The following KNDC1 variants were observed in gnomAD, a reference collection of about 807,000 sequenced individuals.
The protein encoded by KNDC1 is kinase non-catalytic C-lobe domain-containing protein 1.
Under a neutral mutation model 172.8 loss-of-function variants are expected in KNDC1, and 106 were observed. The observed-to-expected ratio is 0.61, with a 90% CI of 0.52 to 0.72. KNDC1 has a LOEUF of 0.72. Among genes scored for constraint, KNDC1 ranks in the 30% least tolerant of loss-of-function variants. The probability of loss-of-function intolerance (pLI) is 0.00; values close to 1 mark genes in which losing one functional copy is unlikely to be tolerated. For synonymous variants in KNDC1, 1,083 were observed against 1,062.2 expected, an observed-to-expected ratio of 1.02 and a Z score of -0.38; for missense variants, 2,325 against 2,394.5, an observed-to-expected ratio of 0.97 and a Z score of 0.61.
intron 8 of KNDC1, 37 bp downstream of exon 8, chr10:133,189,706 C>G (rs1186057348): frequency 6.2e-7 from 1 of 1,613,818 alleles, no homozygotes; most frequent in Admixed American, 1.7e-5. Context: ...GAGTCCAGCA[C>G]CGGCTCGCCA....
intron 3 of KNDC1, among the ~76,000 whole-genome samples, chr10:133,171,105 A>C (rs905337924): frequency 1.3e-5 from 2 of 152,214 alleles, no homozygotes; most frequent in African/African-American, 4.8e-5. Context: ...GCCGATAGTC[A>C]CTGATATTTT....
intron 17 of KNDC1, chr10:133,202,839 G>T: frequency 2.9e-6 from 1 of 347,332 alleles, no homozygotes; most frequent in Non-Finnish European, 5.7e-6. Flanking sequence ...CTCTGCACCT[G>T]CATCTCGGAC....
rs755519449 is a variant in KNDC1 at position 133,199,264 on chromosome 10, T to C, written c.2756T>C (p.Met919Thr). The C allele has an allele frequency of 3.2e-6, 5 of 1,551,744 alleles. No individual in the cohort carries two copies. Among genetic ancestry groups the C allele is most frequent in the Non-Finnish European group, 2.6e-6 (3 of 1,146,354 alleles). ...GACAATGGGCTGGAGGCTCTGATCA[T>C]GGGTACGTGGGGGCCGCAGACGCCC... Reference protein sequence around the residue: ...YLDNGLEALIMGEYIFALKDL... With the variant: ...YLDNGLEALITGEYIFALKDL... The change falls in exon 14 of 30, where the codon ATG (methionine) becomes ACG (threonine). Residue 919 changes from methionine (M) to threonine (T), a missense_variant and splice_region_variant. Physicochemically the swap from Met to Thr is moderately conservative, Grantham distance 81. Coordinates refer to ENST00000304613, the MANE Select transcript of KNDC1 (RefSeq NM_152643.8).
intron 17 of KNDC1, among the ~76,000 whole-genome samples, chr10:133,204,102 G>A (rs918346463): frequency 6.6e-6 from 1 of 152,142 alleles, no homozygotes; most frequent in Non-Finnish European, 1.5e-5. Flanking sequence ...TCCGGGGGCC[G>A]GACGAGGGCC....
chr10:133,167,283 C>T (rs969951771), intron 1 of KNDC1, 98 bp from the exon 2 acceptor site: 1 of 1,207,698 alleles, frequency 8.3e-7, no homozygotes, highest in Non-Finnish European at 1.1e-6. Context: ...TGAAACGCTG[C>T]CACGAGTCGT....
In KNDC1 at chr10:133,163,044, C is replaced by T. The variant is rs1296594404; in HGVS notation, c.102+2475C>T. Among the ~76,000 whole-genome samples the T allele has an allele frequency of 6.8e-6, 1 of 146,774 alleles. No homozygotes were observed. Among genetic ancestry groups the T allele is most frequent in the African/African-American group, 2.5e-5 (1 of 39,514 alleles). On this transcript the variant is annotated intron_variant, in intron 1 of 29. Coordinates refer to ENST00000304613, the MANE Select transcript of KNDC1 (RefSeq NM_152643.8). This position sits in a 1 kb window ranked among gnomAD's most constrained non-coding sequence, Gnocchi z 4.4. ...TGCAAGGAGGGCTTCCTGGAGGTGT[C>T]CTGCCCGGGATTCCCATGAGATTTC...
At position 133,191,369 on chromosome 10, in the gene KNDC1, C is replaced by G. The variant is rs527877968; in HGVS notation, c.1575+1556C>G. ...CCAAGATCATGCTACTACACTCCAG[C>G]CTGGATGACAGAGCCAGACCCTGTC... On this transcript the variant is annotated intron_variant, in intron 9 of 29. Transcript: ENST00000304613. Among the ~76,000 whole-genome samples the G allele has an allele frequency of 6.6e-5, 10 of 151,734 alleles. No homozygotes were observed. The East Asian group carries it at 1.6e-3, about 24-fold the overall frequency.
intron 20 of KNDC1, 44 bp from the exon 21 acceptor site, chr10:133,210,567 T>A: frequency 5.0e-6 from 6 of 1,189,698 alleles, no homozygotes; most frequent in Non-Finnish European, 7.5e-6. Context: ...AGCCCTGGGG[T>A]GCGGCCACCC....
intron 29 of KNDC1, among the ~76,000 whole-genome samples, chr10:133,221,932 G>A (rs1845599517): frequency 1.4e-5 from 1 of 72,850 alleles, no homozygotes; most frequent in Admixed American, 1.5e-4. Context: ...GCTGGGTGCA[G>A]CCACTCACGC....
intron 21 of KNDC1, 148 bp downstream of exon 21, chr10:133,210,872 G>C: frequency 1.4e-6 from 1 of 717,478 alleles, no homozygotes; most frequent in Non-Finnish European, 2.5e-6. Flanking sequence ...CTGGAGGTCC[G>C]GCTGGAGGTG....
chr10:133,190,409 T>C (rs1854047167), intron 9 of KNDC1, among the ~76,000 whole-genome samples: 1 of 151,918 alleles, frequency 6.6e-6, no homozygotes. Context: ...CACCCTGCAC[T>C]AAGCACCCTG....
intron 25 of KNDC1, 95 bp from the exon 26 acceptor site, chr10:133,213,877 G>A: frequency 6.5e-7 from 1 of 1,540,824 alleles, no homozygotes. Context: ...CGGCCTCGTG[G>A]CCCGACCCCA....
chr10:133,186,047 CAGCACTG>C lies in KNDC1; in HGVS notation c.701_707del (p.Ser234ThrfsTer32). The C allele has an allele frequency of 6.3e-7, 1 of 1,599,946 alleles. No homozygotes were observed. Among genetic ancestry groups the C allele is most frequent in the Non-Finnish European group, 8.5e-7 (1 of 1,174,826 alleles). On this transcript the variant is annotated frameshift_variant, in exon 6 of 30. Coordinates refer to ENST00000304613, the MANE Select transcript of KNDC1 (RefSeq NM_152643.8). LOFTEE classifies it high-confidence loss of function. ...GGCCCAGGAGGCCGCCCGGGGACCC[CAGCACTG>C]ACCCGGAGGTTCTGCCGACCCCCGA...
intron 5 of KNDC1, among the ~76,000 whole-genome samples, chr10:133,185,319 TACA>T (rs1853860603): frequency 6.7e-6 from 1 of 150,224 alleles, no homozygotes; most frequent in African/African-American, 2.5e-5. Flanking sequence ...AGGCAGTGTG[TACA>T]GTGTGGAGTA....
chr10:133,203,498 C>T (rs967676715), intron 17 of KNDC1, among the ~76,000 whole-genome samples: 4 of 152,390 alleles, frequency 2.6e-5, no homozygotes, highest in South Asian at 2.1e-4. Context: ...AAAACGCACA[C>T]GGTGCAGCGA....
chr10:133,172,435 C>CT (rs1853404461), intron 3 of KNDC1, among the ~76,000 whole-genome samples: 1 of 152,260 alleles, frequency 6.6e-6, no homozygotes, highest in African/African-American at 2.4e-5. Flanking sequence ...AGTGTCTTGC[C>CT]TTTTGTATAC....
In KNDC1 at chr10:133,210,699, G is replaced by A. The variant is rs113356329; in HGVS notation, c.3883G>A (p.Asp1295Asn). Residue 1295 changes from aspartate (D) to asparagine (N), a missense_variant, in exon 21 of 30, where the codon GAC becomes AAC. Asp to Asn is a conservative substitution (Grantham distance 23). Coordinates refer to ENST00000304613, the MANE Select transcript of KNDC1 (RefSeq NM_152643.8). ...TPHDFLHFLL[D>N]RINSTLTRAH... ...CCACGACTTCCTGCACTTCCTCCTCGACCGCATCAACAGCACGCTGACCAG... is the reference window on the plus strand; with the variant it reads ...CCACGACTTCCTGCACTTCCTCCTCAACCGCATCAACAGCACGCTGACCAG... 71 of 1,613,708 alleles carry A rather than the reference G, an allele frequency of 4.4e-5. No homozygotes were observed. Among genetic ancestry groups the A allele is most frequent in the Non-Finnish European group, 5.6e-5 (66 of 1,179,736 alleles).
At chr10:133,197,418 G>C (rs1854224852) in intron 11 of KNDC1, among the ~76,000 whole-genome samples, 1 of 152,330 alleles carries the variant, frequency 6.6e-6, no homozygotes, top group Admixed American at 6.5e-5. Flanking sequence ...TGTGGGCCCT[G>C]AGTCTCGGGT....
At chr10:133,214,239 CTG>C (rs939407252) in intron 26 of KNDC1, 117 bp downstream of exon 26, 9 of 1,144,040 alleles carry the variant, frequency 7.9e-6, no homozygotes, top group African/African-American at 6.2e-5. Flanking sequence ...GAACCCAACT[CTG>C]TGTCCCTTGG....
Sources: gnomAD v4.1 joint callset for allele counts (sites outside exome capture counted in the v4.1 genomes callset) on GRCh38, gnomAD v4.1.1 for gene constraint, Gnocchi (gnomAD v3.1) non-coding constraint, MANE v1.5 for transcripts, NCBI Gene and HGNC (gene_info 2026-07-23, HGNC 2026-07-21) for gene names.